Variants in GPC5 observed in about 807,000 individuals in gnomAD.
GPC5 encodes the protein glypican-5.
Under a neutral mutation model 53.9 loss-of-function variants are expected in GPC5, and 47 were observed. The ratio of observed to expected loss-of-function variants is 0.87; its 90% CI spans 0.69 to 1.11. The LOEUF is 1.11. Among genes scored for constraint, GPC5 ranks in the 50% most tolerant of loss-of-function variants. The pLI is 0.00. For synonymous variants in GPC5, 286 were observed against 263.3 expected, an observed-to-expected ratio of 1.09 and a Z score of -0.84; for missense variants, 748 against 713.1, an observed-to-expected ratio of 1.05 and a Z score of -0.56.
chr13:91,574,408 T>A (rs2032056530), intron 2 of GPC5, among the ~76,000 whole-genome samples: 1 of 152,098 alleles, frequency 6.6e-6, no homozygotes, highest in Non-Finnish European at 1.5e-5. Context: ...AGTACAAGTA[T>A]CAGAATCAGA....
chr13:91,614,336 T>C (rs2033638578), intron 2 of GPC5, among the ~76,000 whole-genome samples: 1 of 152,218 alleles, frequency 6.6e-6, no homozygotes, highest in Admixed American at 6.5e-5. Context: ...CAATTTCCTT[T>C]TTTATTTTTG....
chr13:91,720,444 C>T (rs2036439249), intron 3 of GPC5, among the ~76,000 whole-genome samples: 2 of 152,110 alleles, frequency 1.3e-5, no homozygotes, highest in South Asian at 2.1e-4. Flanking sequence ...TTTGAGATAA[C>T]TCACTCTTCT....
intron 7 of GPC5, among the ~76,000 whole-genome samples, chr13:92,700,830 A>T (rs1887711151): frequency 6.6e-6 from 1 of 152,088 alleles, no homozygotes; most frequent in Admixed American, 6.6e-5. Flanking sequence ...GCCCTGATAC[A>T]TACAAAAAAG....
chr13:92,585,394 G>C (rs117336576), intron 7 of GPC5, among the ~76,000 whole-genome samples: 2 of 152,180 alleles, frequency 1.3e-5, no homozygotes, highest in Non-Finnish European at 2.9e-5. Flanking sequence ...TTGGACTTGC[G>C]TGGGGCCTGT....
At chr13:91,658,759 C>T (rs1171790230) in intron 2 of GPC5, among the ~76,000 whole-genome samples, 3 of 152,160 alleles carry the variant, frequency 2.0e-5, no homozygotes, top group South Asian at 2.1e-4. Context: ...CATCATCCCT[C>T]ATATGTACTG....
intron 7 of GPC5, among the ~76,000 whole-genome samples, chr13:92,789,593 T>A (rs1353750487): frequency 6.6e-6 from 1 of 152,230 alleles, no homozygotes; most frequent in South Asian, 2.1e-4. Flanking sequence ...AAATATATAT[T>A]TTTACAGATG....
At chr13:91,756,950 TTA>T (rs139581229) in intron 5 of GPC5, among the ~76,000 whole-genome samples, 24 of 149,374 alleles carry the variant, frequency 1.6e-4, no homozygotes, top group Admixed American at 2.0e-4. Flanking sequence ...GGGGGCACTT[TTA>T]TATATATATA....
At chr13:91,472,101 G>A (rs2139183050) in intron 2 of GPC5, among the ~76,000 whole-genome samples, 1 of 152,150 alleles carries the variant, frequency 6.6e-6, no homozygotes, top group African/African-American at 2.4e-5. Flanking sequence ...CTTGTTTCCA[G>A]AATTCTCTGT....
At chr13:92,180,199 C>T (rs2042136709) in intron 7 of GPC5, among the ~76,000 whole-genome samples, 1 of 152,212 alleles carries the variant, frequency 6.6e-6, no homozygotes, top group Admixed American at 6.5e-5. Context: ...CCACAGTTAA[C>T]CTGATTTATA....
intron 7 of GPC5, among the ~76,000 whole-genome samples, chr13:92,644,422 A>T (rs947757539): frequency 6.6e-6 from 1 of 152,210 alleles, no homozygotes; most frequent in South Asian, 2.1e-4. Context: ...CCTATTTTGT[A>T]CGTGTCACAA....
intron 5 of GPC5, among the ~76,000 whole-genome samples, chr13:91,840,330 A>G (rs1399216829): frequency 3.3e-5 from 5 of 152,118 alleles, no homozygotes; most frequent in African/African-American, 9.7e-5. Flanking sequence ...TGCCTGATAC[A>G]TAGGAGATAC....
intron 7 of GPC5, among the ~76,000 whole-genome samples, chr13:92,459,138 G>T (rs1027802551): frequency 5.9e-5 from 9 of 152,130 alleles, no homozygotes; most frequent in African/African-American, 1.9e-4. Flanking sequence ...AAGTGAAACA[G>T]ATTTGATTTT....
At chr13:92,781,998 T>C (rs1293096806) in intron 7 of GPC5, among the ~76,000 whole-genome samples, 12 of 150,888 alleles carry the variant, frequency 8.0e-5, no homozygotes, top group South Asian at 2.1e-4. Context: ...ATATTGTGAA[T>C]GGCATTCTGG....
At chr13:92,220,678 T>C (rs2042442361) in intron 7 of GPC5, among the ~76,000 whole-genome samples, 1 of 152,224 alleles carries the variant, frequency 6.6e-6, no homozygotes, top group Non-Finnish European at 1.5e-5. Context: ...CATTTGTGTA[T>C]CTTTTAAGAT....
At chr13:92,429,526 T>G (rs1876993690) in intron 7 of GPC5, among the ~76,000 whole-genome samples, 1 of 151,922 alleles carries the variant, frequency 6.6e-6, no homozygotes, top group South Asian at 2.1e-4. Context: ...AAAAGATTTT[T>G]TATTTATTTA....
chr13:91,508,179 A>G (rs1885046956), intron 2 of GPC5, among the ~76,000 whole-genome samples: 1 of 152,242 alleles, frequency 6.6e-6, no homozygotes, highest in South Asian at 2.1e-4. Flanking sequence ...ACATAAAAAA[A>G]GGAATCATGG....
At chr13:92,327,722 T>A (rs2043261818) in intron 7 of GPC5, among the ~76,000 whole-genome samples, 1 of 152,182 alleles carries the variant, frequency 6.6e-6, no homozygotes, top group Non-Finnish European at 1.5e-5. Flanking sequence ...AAGCTACAGA[T>A]GGCTCCCAAT....
At chr13:91,776,283 T>A (rs1340389794) in intron 5 of GPC5, among the ~76,000 whole-genome samples, 1 of 152,144 alleles carries the variant, frequency 6.6e-6, no homozygotes. Context: ...AACACCCCAT[T>A]TCAAGGGTTC....
intron 7 of GPC5, among the ~76,000 whole-genome samples, chr13:92,677,897 G>A (rs1056311208): frequency 1.7e-4 from 26 of 152,018 alleles, no homozygotes; most frequent in African/African-American, 5.8e-4. Context: ...GTCCCATAGG[G>A]TTGTCATATT....
Sources: gnomAD v4.1 joint callset for allele counts (sites outside exome capture counted in the v4.1 genomes callset) on GRCh38, gnomAD v4.1.1 for gene constraint, MANE v1.5 for transcripts, NCBI Gene and HGNC (gene_info 2026-07-23, HGNC 2026-07-21) for gene names.